The following MYO5B variants were observed in gnomAD, a reference collection of about 807,000 sequenced individuals.
The protein encoded by MYO5B is unconventional myosin-Vb.
A neutral mutation model predicts 229.3 loss-of-function variants in MYO5B; 143 were observed. The observed-to-expected ratio is 0.62, with a 90% CI of 0.54 to 0.72. MYO5B has a LOEUF of 0.72. MYO5B is among the 30% of genes least tolerant of loss of function. The probability of loss-of-function intolerance (pLI) is 0.00; values close to 1 mark genes in which losing one functional copy is unlikely to be tolerated. For synonymous variants in MYO5B, 918 were observed against 885.2 expected (o/e 1.04, Z -0.66); for missense variants, 2,321 against 2,331.0 (o/e 1.00, Z 0.09).
intron 4 of MYO5B, among the ~76,000 whole-genome samples, chr18:50,006,652 C>T (rs2026104865): frequency 1.3e-5 from 2 of 152,170 alleles, no homozygotes; most frequent in African/African-American, 4.8e-5. Flanking sequence ...ACTCTAACTC[C>T]TCCTAGAAGT....
At chr18:50,012,104 A>T (rs2026168185) in intron 4 of MYO5B, among the ~76,000 whole-genome samples, 1 of 152,182 alleles carries the variant, frequency 6.6e-6, no homozygotes, top group Non-Finnish European at 1.5e-5. Context: ...TGGATCCCAC[A>T]CCACACCAAT....
chr18:49,843,209 A>C, intron 34 of MYO5B, 32 bp downstream of exon 34: 1 of 1,612,680 alleles, frequency 6.2e-7, no homozygotes, highest in Non-Finnish European at 8.5e-7. Context: ...TCTACCCACC[A>C]CAAACCATGA....
At chr18:49,859,172 G>A (rs997290691) in intron 29 of MYO5B, among the ~76,000 whole-genome samples, 4 of 152,176 alleles carry the variant, frequency 2.6e-5, no homozygotes, top group Admixed American at 6.5e-5. Context: ...CCCGTGGCCC[G>A]GGCTAATCAC....
chr18:50,077,039 T>C (rs1181948094), intron 1 of MYO5B, among the ~76,000 whole-genome samples: 2 of 152,180 alleles, frequency 1.3e-5, no homozygotes, highest in Non-Finnish European at 2.9e-5. Flanking sequence ...CATCAGTCTT[T>C]ACATGTAACA....
intron 4 of MYO5B, among the ~76,000 whole-genome samples, chr18:50,013,681 T>C (rs987668965): frequency 5.9e-5 from 9 of 152,164 alleles, no homozygotes; most frequent in South Asian, 4.1e-4. Context: ...ATAGTAGACT[T>C]AGGTAACACA....
At chr18:50,012,750 G>A (rs981032969) in intron 4 of MYO5B, among the ~76,000 whole-genome samples, 2 of 152,196 alleles carry the variant, frequency 1.3e-5, no homozygotes, top group South Asian at 2.1e-4. Flanking sequence ...CTTCTCCTGG[G>A]TGACATTGAC....
chr18:50,013,582 G>GT (rs2026184822), intron 4 of MYO5B, among the ~76,000 whole-genome samples: 1 of 152,180 alleles, frequency 6.6e-6, no homozygotes, highest in African/African-American at 2.4e-5. Flanking sequence ...CTTGCTTGTA[G>GT]TAATTCCAAT....
chr18:49,859,728 C>T (rs1230602523), intron 29 of MYO5B, among the ~76,000 whole-genome samples: 2 of 152,158 alleles, frequency 1.3e-5, no homozygotes, highest in Non-Finnish European at 2.9e-5. Flanking sequence ...CTTTGGGGAA[C>T]ATAAGGAAAT....
chr18:50,143,539 G>A (rs1417269168), intron 1 of MYO5B, among the ~76,000 whole-genome samples: 1 of 152,192 alleles, frequency 6.6e-6, no homozygotes, highest in Non-Finnish European at 1.5e-5. Context: ...ATCTGTATGG[G>A]TCTAAGGCTT....
At chr18:50,193,778 A>G (rs768651332) in intron 1 of MYO5B, among the ~76,000 whole-genome samples, 12 of 152,244 alleles carry the variant, frequency 7.9e-5, no homozygotes, top group Non-Finnish European at 1.6e-4. Flanking sequence ...CATAGGGCAC[A>G]TGTGAAGAAA....
intron 4 of MYO5B, among the ~76,000 whole-genome samples, chr18:50,013,901 C>A (rs995880599): frequency 1.5e-4 from 23 of 152,142 alleles, no homozygotes; most frequent in Non-Finnish European, 3.1e-4. Context: ...CACTGCCTAG[C>A]CCAGCAGAGG....
At position 49,875,695 on chromosome 18, in the gene MYO5B, T is replaced by C. The variant is rs2024512306; in HGVS notation, c.3529A>G (p.Lys1177Glu). Reference sequence around the variant, plus strand: ...GCAGCCCCTTCACGTACCTGGACTTTCTTGCTGTCCTGCTGTTCTCTCTTC... The same window carrying C: ...GCAGCCCCTTCACGTACCTGGACTTCCTTGCTGTCCTGCTGTTCTCTCTTC... ...LEKREQQDSKKVQAEPPQTDI... is the reference protein window; with the variant it reads ...LEKREQQDSKEVQAEPPQTDI... The change falls in exon 26 of 40, where the codon AAA (lysine) becomes GAA (glutamate). Residue 1177 changes from lysine to glutamate, a missense_variant. Around this residue, in one of 2 missense-constraint regions of MYO5B, gnomAD observed 2,113 missense variants for 2,044.7 expected, o/e 1.03. Transcript: ENST00000285039. The C allele has an allele frequency of 3.1e-6, 5 of 1,614,116 alleles. 1 individual carries two copies. The highest frequency in any genetic ancestry group is 1.1e-5 in the South Asian group (1 of 91,086).
intron 1 of MYO5B, among the ~76,000 whole-genome samples, chr18:50,160,107 T>G (rs1272730195): frequency 3.3e-5 from 5 of 152,218 alleles, no homozygotes; most frequent in Non-Finnish European, 7.3e-5. Flanking sequence ...CAGTCAACAC[T>G]TCCCAGCGGA....
At chr18:49,992,981 T>C (rs2025949686) in intron 5 of MYO5B, among the ~76,000 whole-genome samples, 1 of 152,128 alleles carries the variant, frequency 6.6e-6, no homozygotes. Flanking sequence ...TTCCTAGCAA[T>C]ACGCCACAAA....
chr18:50,052,561 GGGGGGA>G (rs2030424109), intron 2 of MYO5B, among the ~76,000 whole-genome samples: 3 of 85,048 alleles, frequency 3.5e-5, no homozygotes, highest in Non-Finnish European at 7.2e-5. Flanking sequence ...GTTGTGGGGT[GGGGGGA>G]GGGGGGAGGG....
intron 7 of MYO5B, among the ~76,000 whole-genome samples, chr18:49,989,792 A>G (rs935750142): frequency 1.3e-5 from 2 of 152,226 alleles, no homozygotes; most frequent in Non-Finnish European, 2.9e-5. Context: ...GGATGATGAC[A>G]AAGTGCCTTA....
chr18:49,994,258 C>T (rs2025963660), intron 5 of MYO5B, among the ~76,000 whole-genome samples: 1 of 152,182 alleles, frequency 6.6e-6, no homozygotes, highest in Non-Finnish European at 1.5e-5. Flanking sequence ...GATTATACAT[C>T]TGCTTCAGCA....
chr18:50,000,918 C>T (rs1462718915), intron 5 of MYO5B, among the ~76,000 whole-genome samples: 4 of 152,250 alleles, frequency 2.6e-5, no homozygotes, highest in East Asian at 1.9e-4. Context: ...CTAAGAGTTT[C>T]GGTGGAACAC....
chr18:49,929,326 CCTT>C lies in MYO5B; in HGVS notation c.2090+183_2090+185del, dbSNP rs544758347. Among the ~76,000 whole-genome samples, 16 of 152,274 alleles carry C rather than the reference CCTT, an allele frequency of 1.1e-4. No homozygotes were observed. In the East Asian group the frequency reaches 2.5e-3, roughly 24 times the overall value. On this transcript the variant is annotated intron_variant, in intron 17 of 39. Coordinates refer to ENST00000285039, the MANE Select transcript of MYO5B (RefSeq NM_001080467.3). ...GCAGCCAAGAGGATGTGACTGCTAA[CCTT>C]CCCAATTTTTCAGGCTAATGTGAGA... is the stretch of plus-strand genomic sequence containing the variant.
Sources: allele counts gnomAD v4.1 joint callset (sites outside exome capture counted in the v4.1 genomes callset), GRCh38; gene constraint gnomAD v4.1.1; regional missense constraint gnomAD v4.1.1; transcripts MANE v1.5; gene names NCBI Gene and HGNC (gene_info 2026-07-23, HGNC 2026-07-21).